The following TMEM132B variants were observed in gnomAD, a reference collection of about 807,000 sequenced individuals.
TMEM132B encodes transmembrane protein 132B.
In TMEM132B, 18 loss-of-function variants were observed where a neutral mutation model predicts 90.8. The observed-to-expected ratio is 0.20, with a 90% confidence interval of 0.14 to 0.29. TMEM132B has a LOEUF of 0.29. TMEM132B is among the 10% of genes least tolerant of loss of function. TMEM132B has a pLI of 1.00. For missense variants in TMEM132B, 1,096 were observed against 1,326.8 expected, an observed-to-expected ratio of 0.83 and a Z score of 2.70; for synonymous variants, 504 against 523.3, an observed-to-expected ratio of 0.96 and a Z score of 0.50.
intron 5 of TMEM132B, among the ~76,000 whole-genome samples, chr12:125,599,405 T>C (rs1465235065): frequency 1.3e-5 from 2 of 152,190 alleles, no homozygotes; most frequent in African/African-American, 4.8e-5. Context: ...AATGGATTAA[T>C]ACAGGGAGGA....
At chr12:125,442,485 C>A (rs1880903480) in intron 3 of TMEM132B, among the ~76,000 whole-genome samples, 1 of 152,192 alleles carries the variant, frequency 6.6e-6, no homozygotes, top group Admixed American at 6.5e-5. Context: ...GCAGGTGACT[C>A]AGACCCTGTG....
intron 3 of TMEM132B, among the ~76,000 whole-genome samples, chr12:125,418,054 G>A (rs1017120901): frequency 4.8e-4 from 73 of 152,296 alleles, no homozygotes; most frequent in African/African-American, 1.7e-3. Context: ...TGTGCTACAG[G>A]AGTCCAAATG....
At chr12:125,575,988 A>G (rs565179782) in intron 4 of TMEM132B, among the ~76,000 whole-genome samples, 1 of 152,174 alleles carries the variant, frequency 6.6e-6, no homozygotes, top group African/African-American at 2.4e-5. Flanking sequence ...ATGAATTTTA[A>G]CACTAGCTTG....
At chr12:125,397,486 G>C (rs1383454411) in intron 2 of TMEM132B, among the ~76,000 whole-genome samples, 2 of 152,064 alleles carry the variant, frequency 1.3e-5, no homozygotes, top group Non-Finnish European at 2.9e-5. Flanking sequence ...ACAAATCCCA[G>C]GTTCCCATGA....
At position 125,460,124 on chromosome 12, in the gene TMEM132B, A is replaced by C. The variant is rs539338619; in HGVS notation, c.1106+44447A>C. On this transcript the variant is annotated intron_variant, in intron 3 of 8. Transcript: ENST00000682704. This position sits in a 1 kb window ranked among gnomAD's most constrained non-coding sequence, Gnocchi z 4.4. ...ACCTGATGTGATTATTATGCATTGC[A>C]TGCCTGTGTCAAAACATCTCATGTA... is the stretch of plus-strand genomic sequence containing the variant. 1.4e-4 allele frequency among the ~76,000 whole-genome samples: 22 copies of C among 152,342 alleles called. No homozygotes were observed. In the East Asian group the frequency reaches 3.3e-3, roughly 23 times the overall value.
At chr12:125,471,263 G>T (rs547382946) in intron 3 of TMEM132B, among the ~76,000 whole-genome samples, 1 of 152,326 alleles carries the variant, frequency 6.6e-6, no homozygotes, top group East Asian at 1.9e-4. Context: ...GGGCTGCTGT[G>T]GTCCGGGGGT....
chr12:125,326,676 G>T (rs968186679), intron 1 of TMEM132B: 1 of 1,606,140 alleles, frequency 6.2e-7, no homozygotes. Flanking sequence ...ACCGGGGGAG[G>T]TCGGAAGGAA....
intron 1 of TMEM132B, among the ~76,000 whole-genome samples, chr12:125,225,809 T>C (rs1169646033): frequency 6.6e-6 from 1 of 152,168 alleles, no homozygotes. Context: ...TGCACCTCCT[T>C]CTTACTTGCG....
At chr12:125,639,738 A>G (rs1886580622) in intron 5 of TMEM132B, among the ~76,000 whole-genome samples, 1 of 152,244 alleles carries the variant, frequency 6.6e-6, no homozygotes, top group Non-Finnish European at 1.5e-5. Flanking sequence ...TAGCACACAC[A>G]GCAAATTAGA....
intron 7 of TMEM132B, 107 bp from the exon 8 acceptor site, chr12:125,652,334 T>C (rs149010902): frequency 2.1e-5 from 22 of 1,026,834 alleles, no homozygotes; most frequent in South Asian, 2.0e-4. Context: ...CACAAATGCA[T>C]GCATTGAGCC....
intron 2 of TMEM132B, among the ~76,000 whole-genome samples, chr12:125,388,175 C>T (rs1593117604): frequency 6.6e-6 from 1 of 152,140 alleles, no homozygotes; most frequent in Non-Finnish European, 1.5e-5. Flanking sequence ...CTCCTATAAT[C>T]CCGGCACTTT....
intron 3 of TMEM132B, among the ~76,000 whole-genome samples, chr12:125,425,110 G>A (rs1025532316): frequency 6.6e-6 from 1 of 152,174 alleles, no homozygotes; most frequent in African/African-American, 2.4e-5. Flanking sequence ...AGGGCTCAGA[G>A]GTGCCTGACT....
At chr12:125,653,405 C>G (rs539846234) in intron 8 of TMEM132B, among the ~76,000 whole-genome samples, 160 bp from the exon 9 acceptor site, 1 of 152,074 alleles carries the variant, frequency 6.6e-6, no homozygotes, top group Non-Finnish European at 1.5e-5. Flanking sequence ...TTATTGATGC[C>G]GGTTCAACCA....
At chr12:125,585,611 T>C (rs1885161500) in intron 5 of TMEM132B, 1 of 152,150 alleles carries the variant, frequency 6.6e-6, no homozygotes, top group South Asian at 2.1e-4. Context: ...CCCCATGGGG[T>C]GGAATCCTCC....
intron 1 of TMEM132B, among the ~76,000 whole-genome samples, chr12:125,291,735 A>G (rs141245195): frequency 8.5e-5 from 13 of 152,292 alleles, no homozygotes; most frequent in African/African-American, 1.9e-4. Context: ...CTTCTGACCT[A>G]TGGGAACCAT....
intron 1 of TMEM132B, among the ~76,000 whole-genome samples, chr12:125,190,548 T>G (rs1465479225): frequency 6.5e-5 from 5 of 77,486 alleles, no homozygotes; most frequent in African/African-American, 1.1e-4. Flanking sequence ...ATGGTGATGG[T>G]GATGGTGATA....
chr12:125,580,205 C>T (rs1056198851), intron 4 of TMEM132B, among the ~76,000 whole-genome samples: 2 of 152,180 alleles, frequency 1.3e-5, no homozygotes, highest in African/African-American at 4.8e-5. Context: ...TGATTATGAT[C>T]TTATAGATTC....
At chr12:125,359,211 CA>C (rs558975433) in intron 2 of TMEM132B, among the ~76,000 whole-genome samples, 51 of 152,304 alleles carry the variant, frequency 3.3e-4, no homozygotes, top group Non-Finnish European at 6.9e-4. Context: ...TAATACCTGA[CA>C]GGGTGAATGT....
intron 4 of TMEM132B, among the ~76,000 whole-genome samples, chr12:125,558,220 T>G (rs1421691808): frequency 6.6e-6 from 1 of 152,146 alleles, no homozygotes; most frequent in East Asian, 1.9e-4. Context: ...CTTGGGGGAT[T>G]GTCTTTGATG....
Sources: gnomAD v4.1 joint callset for allele counts (sites outside exome capture counted in the v4.1 genomes callset) on GRCh38, gnomAD v4.1.1 for gene constraint, Gnocchi (gnomAD v3.1) non-coding constraint, MANE v1.5 for transcripts, NCBI Gene and HGNC (gene_info 2026-07-23, HGNC 2026-07-21) for gene names.